Variants in NRG3 observed in about 807,000 individuals in gnomAD.
The protein encoded by NRG3 is pro-neuregulin-3, membrane-bound isoform.
In NRG3, 31 loss-of-function variants were observed where a neutral mutation model predicts 66.9. That is an observed-to-expected ratio of 0.46 (90% CI 0.35 to 0.63). NRG3 has a LOEUF of 0.63. Ranked by LOEUF, NRG3 falls within the 20% of genes least tolerant of loss-of-function variation. The pLI is 0.00. For synonymous variants in NRG3, 393 were observed against 359.4 expected, an observed-to-expected ratio of 1.09 and a Z score of -1.06; for missense variants, 910 against 878.9, an observed-to-expected ratio of 1.04 and a Z score of -0.45.
chr10:82,449,266 G>A (rs2090900913), intron 2 of NRG3, among the ~76,000 whole-genome samples: 1 of 152,124 alleles, frequency 6.6e-6, no homozygotes, highest in Non-Finnish European at 1.5e-5. Flanking sequence ...AGTTAAACAG[G>A]GGTCCAACAA....
chr10:82,067,986 C>A (rs1285556621), intron 1 of NRG3, among the ~76,000 whole-genome samples: 3 of 152,018 alleles, frequency 2.0e-5, no homozygotes, highest in African/African-American at 7.2e-5. Context: ...TCCTCTTTTT[C>A]CTTCTGACTT....
In NRG3 at chr10:82,061,188, T is replaced by C. The variant is rs537135792; in HGVS notation, c.823+185025T>C. Among the ~76,000 whole-genome samples, 235 of 152,102 alleles carry C rather than the reference T, an allele frequency of 1.5e-3. 1 individual carries two copies. The highest frequency in any genetic ancestry group is 5.5e-3 in the African/African-American group (230 of 41,492). ...CAATATGGTGAAACCCTGTCTCTAC[T>C]AAAAGTACAAAAATTAGCCGGGCGT... On this transcript the variant is annotated intron_variant, in intron 1 of 8. Coordinates refer to ENST00000372141, the MANE Select transcript of NRG3 (RefSeq NM_001010848.4).
At chr10:82,463,599 A>G (rs113625295) in intron 2 of NRG3, among the ~76,000 whole-genome samples, 211 of 152,326 alleles carry the variant, frequency 1.4e-3, no homozygotes, top group African/African-American at 4.9e-3. Context: ...GAAAGGAGCT[A>G]ACTAACATTA....
intron 1 of NRG3, among the ~76,000 whole-genome samples, chr10:82,249,763 C>T (rs756985346): frequency 3.9e-5 from 6 of 152,204 alleles, no homozygotes; most frequent in Admixed American, 6.5e-5. Flanking sequence ...ATTATCAGAA[C>T]ACTACTGGCT....
chr10:82,501,897 G>T (rs953852109), intron 2 of NRG3, among the ~76,000 whole-genome samples: 1 of 152,104 alleles, frequency 6.6e-6, no homozygotes, highest in African/African-American at 2.4e-5. Flanking sequence ...AGCTTAATGA[G>T]GGTAAGGATT....
intron 2 of NRG3, among the ~76,000 whole-genome samples, chr10:82,424,076 A>G (rs1291891821): frequency 6.6e-6 from 1 of 152,046 alleles, no homozygotes; most frequent in African/African-American, 2.4e-5. Context: ...CATTTTAGCT[A>G]TGGTGACTAA....
chr10:82,949,653 G>A (rs192064423), intron 4 of NRG3, among the ~76,000 whole-genome samples: 125 of 152,110 alleles, frequency 8.2e-4, no homozygotes, highest in South Asian at 4.4e-3. Context: ...TCAGGAGTTC[G>A]AGACCAGTCT....
chr10:82,920,088 A>G (rs895973127), intron 4 of NRG3, among the ~76,000 whole-genome samples: 1 of 152,196 alleles, frequency 6.6e-6, no homozygotes, highest in Non-Finnish European at 1.5e-5. Context: ...GGACAAACTA[A>G]AACTCAGGGA....
intron 1 of NRG3, among the ~76,000 whole-genome samples, chr10:81,928,969 A>G (rs1240473787): frequency 6.6e-6 from 1 of 152,032 alleles, no homozygotes; most frequent in Non-Finnish European, 1.5e-5. Flanking sequence ...CCACAGTCAC[A>G]CACTACCATG....
intron 1 of NRG3, chr10:81,877,977 C>A: frequency 6.5e-7 from 1 of 1,537,720 alleles, no homozygotes; most frequent in South Asian, 1.2e-5. Context: ...TGTGGTATAC[C>A]TCCAACCCTT....
intron 2 of NRG3, among the ~76,000 whole-genome samples, chr10:82,677,827 C>T (rs550162345): frequency 6.6e-6 from 1 of 152,260 alleles, no homozygotes; most frequent in East Asian, 1.9e-4. Flanking sequence ...ACTTGAGAGT[C>T]AAGTGCACTG....
At chr10:82,485,041 G>A (rs370817768) in intron 2 of NRG3, among the ~76,000 whole-genome samples, 24 of 152,260 alleles carry the variant, frequency 1.6e-4, no homozygotes, top group African/African-American at 5.5e-4. Flanking sequence ...AGGGTATGCT[G>A]CAGTATGAAC....
At chr10:82,803,593 A>G (rs2061145311) in intron 3 of NRG3, among the ~76,000 whole-genome samples, 1 of 152,152 alleles carries the variant, frequency 6.6e-6, no homozygotes, top group Non-Finnish European at 1.5e-5. Context: ...ACTTTATGAG[A>G]GAATCAGAAT....
chr10:82,084,787 T>C (rs1015458505), intron 1 of NRG3, among the ~76,000 whole-genome samples: 2 of 152,094 alleles, frequency 1.3e-5, no homozygotes. Context: ...CAGGATATGG[T>C]TGTATCTCTG....
intron 2 of NRG3, among the ~76,000 whole-genome samples, chr10:82,630,112 A>C (rs2049712806): frequency 6.6e-6 from 1 of 152,132 alleles, no homozygotes; most frequent in Admixed American, 6.6e-5. Context: ...TATGGTGGCA[A>C]CCATGCTGCC....
At chr10:82,624,263 G>T (rs2049253167) in intron 2 of NRG3, among the ~76,000 whole-genome samples, 1 of 152,072 alleles carries the variant, frequency 6.6e-6, no homozygotes, top group African/African-American at 2.4e-5. Flanking sequence ...AAAACAACAA[G>T]AAAAAATTCC....
At chr10:82,153,140 A>G (rs1402230433) in intron 1 of NRG3, among the ~76,000 whole-genome samples, 1 of 152,086 alleles carries the variant, frequency 6.6e-6, no homozygotes, top group African/African-American at 2.4e-5. Flanking sequence ...TCACCATGCT[A>G]TGTTACAACT....
chr10:82,588,616 C>T (rs2046810060), intron 2 of NRG3, among the ~76,000 whole-genome samples: 1 of 152,094 alleles, frequency 6.6e-6, no homozygotes. Context: ...AATTCTCCTG[C>T]CTCAGCCTCC....
chr10:82,349,790 G>T lies in NRG3; in HGVS notation c.824-8949G>T, dbSNP rs554530564. On this transcript the variant is annotated intron_variant, in intron 1 of 8. Coordinates refer to ENST00000372141, the MANE Select transcript of NRG3 (RefSeq NM_001010848.4). ...TGGTGTGCCGTTTTTTAAGCCAGTC[G>T]GAAAAGCGCAGTATTCGGGTGGGAG... Among the ~76,000 whole-genome samples, 483 of 152,302 alleles carry T rather than the reference G, an allele frequency of 3.2e-3. 1 individual carries two copies. Among genetic ancestry groups the T allele is most frequent in the Non-Finnish European group, 4.3e-3 (295 of 68,030 alleles).
Sources: gnomAD v4.1 joint callset for allele counts (sites outside exome capture counted in the v4.1 genomes callset) on GRCh38, gnomAD v4.1.1 for gene constraint, MANE v1.5 for transcripts, NCBI Gene and HGNC (gene_info 2026-07-23, HGNC 2026-07-21) for gene names.